RNF150: variants seen among roughly 807,000 people sequenced by gnomAD.
The protein encoded by RNF150 is ring finger protein 150.
In RNF150, 24 loss-of-function variants were observed where a neutral mutation model predicts 39.3. The observed-to-expected ratio is 0.61, with a 90% CI of 0.44 to 0.86. The LOEUF is 0.86. RNF150 is among the 40% of genes least tolerant of loss of function. The pLI is 0.00. For missense variants in RNF150, 502 were observed against 587.8 expected (o/e 0.85, Z 1.51); for synonymous variants, 255 against 227.3 (o/e 1.12, Z -1.10).
intron 1 of RNF150, among the ~76,000 whole-genome samples, chr4:141,104,558 A>G (rs1194171346): frequency 6.6e-6 from 1 of 152,152 alleles, no homozygotes; most frequent in Non-Finnish European, 1.5e-5. Context: ...GGTACATTCA[A>G]TGTTGTGCAA....
chr4:141,056,188 A>G (rs1315035571), intron 1 of RNF150, among the ~76,000 whole-genome samples: 1 of 152,180 alleles, frequency 6.6e-6, no homozygotes, highest in African/African-American at 2.4e-5. Flanking sequence ...AAATTTTAAG[A>G]AACTGTAAGT....
intron 1 of RNF150, among the ~76,000 whole-genome samples, chr4:141,200,589 T>A (rs2111215917): frequency 6.6e-6 from 1 of 152,320 alleles, no homozygotes; most frequent in East Asian, 1.9e-4. Flanking sequence ...ATGACCTAAT[T>A]GCCTCCCAAA....
intron 1 of RNF150, among the ~76,000 whole-genome samples, chr4:141,074,162 A>C (rs1174132253): frequency 6.6e-6 from 1 of 152,124 alleles, no homozygotes; most frequent in African/African-American, 2.4e-5. Context: ...AAAATCTTTC[A>C]GTCACAGAAG....
At chr4:140,964,689 T>C (rs892920324) in intron 2 of RNF150, among the ~76,000 whole-genome samples, 3 of 151,994 alleles carry the variant, frequency 2.0e-5, no homozygotes, top group Non-Finnish European at 4.4e-5. Context: ...GTTACAAATT[T>C]CCCCTAAATT....
intron 1 of RNF150, among the ~76,000 whole-genome samples, chr4:141,211,052 A>C (rs1361274322): frequency 6.6e-6 from 1 of 152,176 alleles, no homozygotes; most frequent in Admixed American, 6.5e-5. Context: ...TCAGTACTAA[A>C]GTTCTTGCAT....
chr4:141,162,798 C>A (rs1463255377), intron 1 of RNF150, among the ~76,000 whole-genome samples: 1 of 152,198 alleles, frequency 6.6e-6, no homozygotes, highest in African/African-American at 2.4e-5. Flanking sequence ...ATCCCATGGT[C>A]TTTGCAACCC....
At chr4:140,986,564 T>C (rs79740826) in intron 1 of RNF150, among the ~76,000 whole-genome samples, 2,632 of 152,198 alleles carry the variant, frequency 0.017, 34 homozygotes, top group Non-Finnish European at 0.029. Context: ...TTAAGTAATA[T>C]GTTTATAGTA....
intron 6 of RNF150, among the ~76,000 whole-genome samples, chr4:140,895,226 T>C (rs1406345287): frequency 1.3e-5 from 2 of 152,170 alleles, no homozygotes; most frequent in African/African-American, 2.4e-5. Flanking sequence ...AAAGCTTTGA[T>C]GGGAATTCCA....
chr4:141,056,913 A>T (rs531441759), intron 1 of RNF150, among the ~76,000 whole-genome samples: 1 of 152,162 alleles, frequency 6.6e-6, no homozygotes. Flanking sequence ...TCTAAAATGC[A>T]TAACTGTTTT....
chr4:141,122,413 T>C (rs888747917), intron 1 of RNF150, among the ~76,000 whole-genome samples: 7 of 152,216 alleles, frequency 4.6e-5, no homozygotes, highest in Non-Finnish European at 1.0e-4. Flanking sequence ...ACCGCCAATA[T>C]CCAACAGATG....
chr4:141,007,838 T>C (rs1387804833), intron 1 of RNF150, among the ~76,000 whole-genome samples: 1 of 152,196 alleles, frequency 6.6e-6, no homozygotes, highest in African/African-American at 2.4e-5. Flanking sequence ...ACATAACCAC[T>C]ATCTCCATTC....
chr4:140,975,838 TC>T (rs1733643556), intron 1 of RNF150, among the ~76,000 whole-genome samples: 1 of 152,276 alleles, frequency 6.6e-6, no homozygotes, highest in African/African-American at 2.4e-5. Flanking sequence ...CTTCTCACCC[TC>T]CTCTCAGATG....
At chr4:140,899,180 A>C (rs1578943686) in intron 6 of RNF150, among the ~76,000 whole-genome samples, 1 of 152,160 alleles carries the variant, frequency 6.6e-6, no homozygotes, top group South Asian at 2.1e-4. Context: ...GAAACTGTCC[A>C]TAAATTTGGG....
At chr4:141,039,002 C>T (rs1195367473) in intron 1 of RNF150, among the ~76,000 whole-genome samples, 1 of 152,014 alleles carries the variant, frequency 6.6e-6, no homozygotes, top group Non-Finnish European at 1.5e-5. Flanking sequence ...TTAAGGTAAC[C>T]GCCTGTCAGT....
At chr4:140,885,590 C>T (rs1336747916) in intron 6 of RNF150, among the ~76,000 whole-genome samples, 1 of 151,638 alleles carries the variant, frequency 6.6e-6, no homozygotes, top group Non-Finnish European at 1.5e-5. Flanking sequence ...GCATGCACCA[C>T]TATGCCCGGC....
chr4:141,177,346 A>G (rs753011329), intron 1 of RNF150, among the ~76,000 whole-genome samples: 5 of 152,156 alleles, frequency 3.3e-5, no homozygotes, highest in Non-Finnish European at 5.9e-5. Context: ...TCATGTTTCT[A>G]CTGAGGATAG....
intron 1 of RNF150, among the ~76,000 whole-genome samples, chr4:141,147,553 T>C (rs1727223758): frequency 6.6e-6 from 1 of 152,220 alleles, no homozygotes; most frequent in Admixed American, 6.5e-5. Context: ...TATCTCTATG[T>C]ACACAAGGCA....
intron 1 of RNF150, among the ~76,000 whole-genome samples, chr4:141,083,887 A>T (rs1323434463): frequency 6.6e-6 from 1 of 152,202 alleles, no homozygotes; most frequent in African/African-American, 2.4e-5. Flanking sequence ...TAAAGATTAA[A>T]ATTATGCTCT....
In RNF150 at chr4:140,860,431, G is replaced by A. The variant is rs1728439558; in HGVS notation, c.*7830C>T. Reference sequence around the variant, plus strand: ...AGGAGTGACTTTTTTGTGATTTTGGGTCAGATGCTATATAAATCAAGGAAG... The same window carrying A: ...AGGAGTGACTTTTTTGTGATTTTGGATCAGATGCTATATAAATCAAGGAAG... On this transcript the variant is annotated 3_prime_UTR_variant, in exon 7 of 7. Transcript: ENST00000515673. 2 of 152,156 alleles carry A rather than the reference G, an allele frequency of 1.3e-5. No homozygotes were observed. Among genetic ancestry groups the A allele is most frequent in the South Asian group, 4.1e-4 (2 of 4,820 alleles). The allele number at this position is 152,156 out of a possible 1,614,324, so 9.4% of individuals were successfully genotyped here. A position where few individuals can be genotyped will look rare whatever the true frequency, so the allele number is the denominator to read the frequency against.
Sources: allele counts gnomAD v4.1 joint callset (sites outside exome capture counted in the v4.1 genomes callset), GRCh38; gene constraint gnomAD v4.1.1; transcripts MANE v1.5; gene names NCBI Gene and HGNC (gene_info 2026-07-23, HGNC 2026-07-21).